DENND1B: variants seen among roughly 807,000 people sequenced by gnomAD.
DENND1B encodes DENN domain-containing protein 1B.
DENND1B carries 59 observed loss-of-function variants against 90.1 expected under a neutral mutation model. The ratio of observed to expected loss-of-function variants is 0.65; its 90% CI spans 0.53 to 0.81. DENND1B has a LOEUF of 0.81. Among genes scored for constraint, DENND1B ranks in the 40% least tolerant of loss-of-function variants. DENND1B has a pLI of 0.00. For missense variants in DENND1B, 862 were observed against 912.6 expected, an observed-to-expected ratio of 0.94 and a Z score of 0.71; for synonymous variants, 337 against 324.6, an observed-to-expected ratio of 1.04 and a Z score of -0.41.
intron 15 of DENND1B, among the ~76,000 whole-genome samples, chr1:197,573,390 G>A (rs570736108): frequency 2.0e-5 from 3 of 152,000 alleles, no homozygotes; most frequent in East Asian, 1.9e-4. Context: ...CCTTCATTTC[G>A]TTATGTACCA....
At chr1:197,679,808 GTTTT>G (rs56246204) in intron 3 of DENND1B, among the ~76,000 whole-genome samples, 2 of 92,038 alleles carry the variant, frequency 2.2e-5, no homozygotes, top group Non-Finnish European at 4.2e-5. Flanking sequence ...TCCAAGGGTT[GTTTT>G]TTTTTTTTTT....
chr1:197,706,043 A>T (rs554206242), intron 3 of DENND1B, among the ~76,000 whole-genome samples: 15 of 152,202 alleles, frequency 9.9e-5, no homozygotes, highest in African/African-American at 3.6e-4. Context: ...GTATTCTTTC[A>T]TGTTTATTCA....
At chr1:197,751,040 C>CA (rs1228764907) in intron 2 of DENND1B, among the ~76,000 whole-genome samples, 1 of 151,914 alleles carries the variant, frequency 6.6e-6, no homozygotes, top group Non-Finnish European at 1.5e-5. Flanking sequence ...GAAACAGATC[C>CA]AAAAAATAAA....
intron 20 of DENND1B, among the ~76,000 whole-genome samples, chr1:197,521,644 A>G (rs774522930): frequency 6.6e-6 from 1 of 152,002 alleles, no homozygotes; most frequent in Non-Finnish European, 1.5e-5. Flanking sequence ...ATAATATGTG[A>G]ATAAATTAAA....
intron 2 of DENND1B, among the ~76,000 whole-genome samples, chr1:197,756,575 C>CAAAA (rs57605617): frequency 9.3e-5 from 5 of 53,966 alleles, no homozygotes; most frequent in African/African-American, 4.0e-4. Context: ...GTCTCCATCT[C>CAAAA]AAAAAAAAAA....
intron 9 of DENND1B, 68 bp from the exon 10 acceptor site, chr1:197,642,889 A>G: frequency 9.5e-7 from 1 of 1,058,026 alleles, no homozygotes; most frequent in Non-Finnish European, 1.4e-6. Context: ...CATTTTACAC[A>G]CTTACCAGAA....
Position 197,610,044 on chromosome 1 carries a change from A to C in DENND1B, c.819+1887T>G, listed in dbSNP as rs572204776. 8.1e-4 allele frequency among the ~76,000 whole-genome samples: 122 copies of C among 150,966 alleles called. 1 individual carries two copies. The highest frequency in any genetic ancestry group is 2.8e-3 in the African/African-American group (116 of 41,430). On this transcript the variant is annotated intron_variant, in intron 12 of 22. Coordinates refer to ENST00000620048, the MANE Select transcript of DENND1B (RefSeq NM_001195215.2). ...TACATCATCTTGTAATAGATTAACA[A>C]GAAAGTTGCTGAATGATATCCAATT...
In DENND1B at chr1:197,506,201, G is replaced by A. The variant is rs1461933136; in HGVS notation, c.*4259C>T. On this transcript the variant is annotated 3_prime_UTR_variant, in exon 23 of 23. Coordinates refer to ENST00000620048, the MANE Select transcript of DENND1B (RefSeq NM_001195215.2). ...AGTTATGCAAGAAAAATTATTGCAC[G>A]AAATCCTATTTTCAAAATAAAATAT... The A allele has an allele frequency of 1.3e-5, 2 of 151,456 alleles. No homozygotes were observed. The highest frequency in any genetic ancestry group is 6.6e-5 in the Admixed American group (1 of 15,176). The allele number at this position is 151,456 out of a possible 1,614,324, so 9.4% of individuals were successfully genotyped here.
At chr1:197,713,734 T>TA (rs377064188) in intron 3 of DENND1B, among the ~76,000 whole-genome samples, 132 of 75,818 alleles carry the variant, frequency 1.7e-3, no homozygotes, top group Non-Finnish European at 2.3e-3. Context: ...TAGAGTATAA[T>TA]AAAAAAAAAA....
In DENND1B at chr1:197,512,775, C is replaced by T. The variant is rs1187099055; in HGVS notation, c.1598+96G>A. 4.6e-6 allele frequency: 5 copies of T among 1,078,154 alleles called. No individual in the cohort carries two copies. The Admixed American group carries it at 1.1e-4, about 23-fold the overall frequency. 66.8% of individuals were successfully genotyped at this position (1,078,154 alleles called of 1,614,324 possible). The stretch of plus-strand genomic sequence containing the variant: ...ACACTGTAAAAGGGCAACATCTGAG[C>T]TCTAAGAGTGCATACTCTTTGAAAT... On this transcript the variant is annotated intron_variant, in intron 21 of 22. Coordinates refer to ENST00000620048, the MANE Select transcript of DENND1B (RefSeq NM_001195215.2).
At chr1:197,571,192 A>G (rs1673120726) in intron 15 of DENND1B, among the ~76,000 whole-genome samples, 1 of 151,834 alleles carries the variant, frequency 6.6e-6, no homozygotes, top group Non-Finnish European at 1.5e-5. Flanking sequence ...CCTCTAACAT[A>G]TTTTCACATG....
chr1:197,608,735 C>T (rs1315120267), intron 12 of DENND1B, among the ~76,000 whole-genome samples: 1 of 150,436 alleles, frequency 6.6e-6, no homozygotes, highest in Non-Finnish European at 1.5e-5. Flanking sequence ...CAAAGTGTTT[C>T]GTGAGGACAT....
intron 10 of DENND1B, among the ~76,000 whole-genome samples, chr1:197,621,455 CA>C (rs1336092212): frequency 1.3e-5 from 2 of 151,280 alleles, no homozygotes; most frequent in Non-Finnish European, 3.0e-5. Context: ...AAATAAACTA[CA>C]TATTTTAGAA....
At chr1:197,766,566 T>C (rs1358986763) in intron 2 of DENND1B, among the ~76,000 whole-genome samples, 1 of 152,180 alleles carries the variant, frequency 6.6e-6, no homozygotes, top group Non-Finnish European at 1.5e-5. Flanking sequence ...AATATTTTGC[T>C]ATGAAGAGAG....
At chr1:197,688,443 A>C (rs1437397197) in intron 3 of DENND1B, among the ~76,000 whole-genome samples, 2 of 152,164 alleles carry the variant, frequency 1.3e-5, no homozygotes, top group Non-Finnish European at 2.9e-5. Context: ...ACAGTAATTA[A>C]AACAGTACGG....
Position 197,506,628 on chromosome 1 carries a change from A to G in DENND1B, c.*3832T>C, listed in dbSNP as rs1667743291. The G allele has an allele frequency of 6.6e-6, 1 of 151,566 alleles. No homozygotes were observed. The highest frequency in any genetic ancestry group is 1.5e-5 in the Non-Finnish European group (1 of 67,618). 9.4% of individuals were successfully genotyped at this position (151,566 alleles called of 1,614,324 possible). A position where few individuals can be genotyped will look rare whatever the true frequency, so the allele number is the denominator to read the frequency against. On this transcript the variant is annotated 3_prime_UTR_variant, in exon 23 of 23. Transcript: ENST00000620048. ...CATTCACAGTGTTCTCCTCTTGATC[A>G]GGAGTCTACTTGTTCACCTTAATTA...
At chr1:197,775,049 T>C in intron 1 of DENND1B, 90 bp downstream of exon 1, 1 of 937,546 alleles carries the variant, frequency 1.1e-6, no homozygotes, top group Non-Finnish European at 1.4e-6. Flanking sequence ...GGGGAGCCGG[T>C]TGAGCGCGGA....
chr1:197,566,369 C>T (rs569784511), intron 15 of DENND1B, among the ~76,000 whole-genome samples: 16 of 151,966 alleles, frequency 1.1e-4, no homozygotes, highest in African/African-American at 2.9e-4. Context: ...TGTTTGAGTT[C>T]ATTGTAGATT....
At chr1:197,648,904 G>T (rs568304728) in intron 7 of DENND1B, among the ~76,000 whole-genome samples, 15 of 152,074 alleles carry the variant, frequency 9.9e-5, no homozygotes, top group African/African-American at 3.6e-4. Context: ...CCCAAATTTG[G>T]GTTAAAAATT....
Sources: gnomAD v4.1 joint callset for allele counts (sites outside exome capture counted in the v4.1 genomes callset) on GRCh38, gnomAD v4.1.1 for gene constraint, MANE v1.5 for transcripts, NCBI Gene and HGNC (gene_info 2026-07-23, HGNC 2026-07-21) for gene names.